Variants in SYNE2 observed in about 807,000 individuals in gnomAD.
SYNE2 encodes nesprin-2.
SYNE2 carries 431 observed loss-of-function variants against 856.3 expected under a neutral mutation model. The observed-to-expected ratio is 0.50, with a 90% CI of 0.47 to 0.55. The LOEUF (loss-of-function observed/expected upper bound fraction) is 0.55. Among genes scored for constraint, SYNE2 ranks in the 20% least tolerant of loss-of-function variants. The pLI is 0.00. For synonymous variants in SYNE2, 2,923 were observed against 2,872.3 expected, an observed-to-expected ratio of 1.02 and a Z score of -0.56; for missense variants, 8,129 against 8,023.2, an observed-to-expected ratio of 1.01 and a Z score of -0.50.
At chr14:63,966,782 A>T (rs557165012) in intron 10 of SYNE2, among the ~76,000 whole-genome samples, 1 of 150,740 alleles carries the variant, frequency 6.6e-6, no homozygotes, top group Non-Finnish European at 1.5e-5. Context: ...CTAGTTTTGA[A>T]CTCCTGGGCT....
chr14:64,136,486 A>G (rs11158532), intron 78 of SYNE2, among the ~76,000 whole-genome samples: 18,047 of 151,836 alleles, frequency 0.12, 1,602 homozygotes, highest in African/African-American at 0.24. Flanking sequence ...TTTTTTGGTA[A>G]TGATTTAAAA....
intron 1 of SYNE2, among the ~76,000 whole-genome samples, chr14:63,855,703 C>T (rs1891543109): frequency 6.6e-6 from 1 of 152,156 alleles, no homozygotes; most frequent in African/African-American, 2.4e-5. Flanking sequence ...ATTTTTCCTC[C>T]GTAGCACTTA....
chr14:63,896,173 C>T (rs2095249742), intron 1 of SYNE2, among the ~76,000 whole-genome samples: 1 of 152,128 alleles, frequency 6.6e-6, no homozygotes, highest in African/African-American at 2.4e-5. Context: ...GAATAGATGC[C>T]TAGGATCACA....
At chr14:64,023,439 G>A (rs1348861517) in intron 38 of SYNE2, 8 of 152,714 alleles carry the variant, frequency 5.2e-5, no homozygotes, top group Non-Finnish European at 1.2e-4. Context: ...GTCCACTGGG[G>A]AATTCAGTTG....
At position 64,055,994 on chromosome 14, in the gene SYNE2, C is replaced by T. The variant is rs772863417; in HGVS notation, c.9795C>T (p.Val3265=). 2 of 1,614,064 alleles carry T rather than the reference C, an allele frequency of 1.2e-6. No homozygotes were observed. The highest frequency in any genetic ancestry group is 1.7e-6 in the Non-Finnish European group (2 of 1,179,944). ...YENLTRYKEA[V]TRAVESITSL... is the part of the protein sequence containing the mutation. ...ATCTAACACGCTATAAAGAAGCAGT[C>T]ACCAGGGCAGTGGAGAGCATCACTT... Residue 3265 remains valine, a synonymous_variant, in exon 49 of 116, where the codon GTC becomes GTT. Coordinates refer to ENST00000555002, the MANE Select transcript of SYNE2 (RefSeq NM_182914.3).
intron 98 of SYNE2, among the ~76,000 whole-genome samples, chr14:64,189,784 A>C (rs1014853373): frequency 6.6e-6 from 1 of 152,026 alleles, no homozygotes; most frequent in African/African-American, 2.4e-5. Context: ...GGGTCCTCCC[A>C]CCTCAGCCAC....
At chr14:64,196,236 T>C (rs1294045402) in intron 99 of SYNE2, among the ~76,000 whole-genome samples, 1 of 152,172 alleles carries the variant, frequency 6.6e-6, no homozygotes, top group Non-Finnish European at 1.5e-5. Flanking sequence ...TGTTGGTCTT[T>C]AGGGACTCCT....
rs369228816 is a variant in SYNE2 at position 64,166,322 on chromosome 14, T to C, written c.16606-911T>C. ...ATATGGCCCACAAATGCCTAAAATA[T>C]TTATGATCTGCCCTTTTACAGAAAA... On this transcript the variant is annotated intron_variant, in intron 90 of 115. Coordinates refer to ENST00000555002, the MANE Select transcript of SYNE2 (RefSeq NM_182914.3). Among the ~76,000 whole-genome samples, 4 of 152,318 alleles carry C rather than the reference T, an allele frequency of 2.6e-5. No homozygotes were observed. The East Asian group carries it at 5.8e-4, about 22-fold the overall frequency.
intron 63 of SYNE2, among the ~76,000 whole-genome samples, chr14:64,100,655 A>T (rs1321752446): frequency 6.8e-6 from 1 of 147,196 alleles, no homozygotes; most frequent in Non-Finnish European, 1.5e-5. Flanking sequence ...CATACATGTT[A>T]CCTCACATAC....
intron 1 of SYNE2, among the ~76,000 whole-genome samples, chr14:63,833,227 G>T (rs1178175239): frequency 6.6e-6 from 1 of 151,808 alleles, no homozygotes; most frequent in Non-Finnish European, 1.5e-5. Flanking sequence ...GAAAAGAAAA[G>T]AAATGTTCTT....
At position 63,981,070 on chromosome 14, in the gene SYNE2, A is replaced by G. The variant is rs747813395; in HGVS notation, c.1733A>G (p.Lys578Arg). 2.5e-6 allele frequency: 4 copies of G among 1,604,572 alleles called. No homozygotes were observed. The highest frequency in any genetic ancestry group is 2.6e-6 in the Non-Finnish European group (3 of 1,171,470). Reference sequence around the variant, plus strand: ...TATAGAAAAAATATATATAATGTGAAGTCCACTCTACAAAAAGTGCTGGCA... The same window carrying G: ...TATAGAAAAAATATATATAATGTGAGGTCCACTCTACAAAAAGTGCTGGCA... ...CMYRKNIYNVKSTLQKVLACW... is the reference protein window; with the variant it reads ...CMYRKNIYNVRSTLQKVLACW... The change falls in exon 16 of 116, where the codon AAG (lysine) becomes AGG (arginine). Residue 578 changes from lysine (K) to arginine (R), a missense_variant. By Grantham distance (26) the Lys-to-Arg change is conservative (BLOSUM62 2). This residue lies in a region of SYNE2 where 2,422 missense variants were observed against 2,357.4 expected (regional missense o/e 1.03). Coordinates refer to ENST00000555002, the MANE Select transcript of SYNE2 (RefSeq NM_182914.3).
chr14:64,119,802 T>C (rs2097884251), intron 67 of SYNE2, among the ~76,000 whole-genome samples, 193 bp downstream of exon 67: 1 of 152,202 alleles, frequency 6.6e-6, no homozygotes, highest in Non-Finnish European at 1.5e-5. Context: ...GCAGTTTTCC[T>C]GTCTAGGTTG....
Position 64,022,064 on chromosome 14 carries a change from C to T in SYNE2, c.5524+36C>T, listed in dbSNP as rs771187283. ...CATTTCTCTTATTTTGTTTCTGGGA[C>T]TCTTGAAGTATGAATGTAGTACTGT... On this transcript the variant is annotated intron_variant, in intron 37 of 115. Coordinates refer to ENST00000555002, the MANE Select transcript of SYNE2 (RefSeq NM_182914.3). The T allele has an allele frequency of 1.2e-5, 19 of 1,598,542 alleles. 1 individual carries two copies. In the South Asian group the frequency reaches 1.9e-4, roughly 16 times the overall value.
Position 64,024,892 on chromosome 14 carries a change from C to T in SYNE2, c.5841-20C>T. On this transcript the variant is annotated intron_variant, in intron 39 of 115. Transcript: ENST00000555002. ...ACTTTTTGCTTATTTTGTATTTAAA[C>T]ATGTGTAATGCTCTTTTAGACTCCA... 6.2e-7 allele frequency: 1 copy of T among 1,613,346 alleles called. No individual in the cohort carries two copies. Among genetic ancestry groups the T allele is most frequent in the Non-Finnish European group, 8.5e-7 (1 of 1,179,630 alleles).
chr14:64,001,958 G>A lies in SYNE2; in HGVS notation c.3663G>A (p.Leu1221=). The A allele has an allele frequency of 6.2e-7, 1 of 1,614,098 alleles. No individual in the cohort carries two copies. The highest frequency in any genetic ancestry group is 1.3e-5 in the African/African-American group (1 of 75,002). ...NTRMESLETA[L]RLVLPVEKAS... is the part of the protein sequence containing the mutation. ...GAATGGAATCTTTAGAGACAGCACT[G>A]CGGCTTGTGTTACCTGTAGAGAAGG... is the stretch of plus-strand genomic sequence containing the variant. Residue 1221 remains leucine, a synonymous_variant, in exon 29 of 116, where the codon CTG becomes CTA. Transcript: ENST00000555002.
intron 97 of SYNE2, among the ~76,000 whole-genome samples, chr14:64,187,643 C>T (rs1401744200): frequency 1.3e-5 from 2 of 152,064 alleles, no homozygotes; most frequent in African/African-American, 2.4e-5. Context: ...TTTTCTCCTC[C>T]GAAAAGAGCA....
intron 76 of SYNE2, 137 bp from the exon 77 acceptor site, chr14:64,132,127 TG>T (rs1192747579): frequency 2.1e-6 from 2 of 949,980 alleles, no homozygotes; most frequent in Non-Finnish European, 3.2e-6. Flanking sequence ...TTGGCCAGGC[TG>T]GTCAATTTGA....
chr14:64,103,585 C>T (rs143807226), intron 64 of SYNE2, among the ~76,000 whole-genome samples: 1 of 152,096 alleles, frequency 6.6e-6, no homozygotes, highest in East Asian at 1.9e-4. Flanking sequence ...GCTGACCCCT[C>T]CCCCTGCTCT....
intron 51 of SYNE2, among the ~76,000 whole-genome samples, chr14:64,069,238 G>A (rs2097383244): frequency 6.6e-6 from 1 of 152,170 alleles, no homozygotes; most frequent in African/African-American, 2.4e-5. Context: ...CCCCATCTAT[G>A]TAACAATTTC....
Sources: gnomAD v4.1 joint callset for allele counts (sites outside exome capture counted in the v4.1 genomes callset) on GRCh38, gnomAD v4.1.1 for gene constraint, gnomAD v4.1.1 regional missense constraint, MANE v1.5 for transcripts, NCBI Gene and HGNC (gene_info 2026-07-23, HGNC 2026-07-21) for gene names.